Variants in IDH3B observed in about 807,000 individuals in gnomAD.
IDH3B encodes the protein isocitrate dehydrogenase [NAD] subunit beta, mitochondrial.
In IDH3B, 40 loss-of-function variants were observed where a neutral mutation model predicts 47.5. The ratio of observed to expected loss-of-function variants is 0.84; its 90% CI spans 0.65 to 1.10. The LOEUF is 1.10. Ranked by LOEUF, IDH3B falls within the 50% of genes least tolerant of loss-of-function variation. The pLI is 0.00. For missense variants in IDH3B, 450 were observed against 505.2 expected (o/e 0.89, Z 1.05); for synonymous variants, 185 against 191.0 (o/e 0.97, Z 0.26).
rs759336070 is a variant in IDH3B, at chr20:2,663,951, C to T, written c.91G>A (p.Ala31Thr). The T allele has an allele frequency of 2.7e-5, 44 of 1,614,014 alleles. No individual in the cohort carries two copies. Among genetic ancestry groups the T allele is most frequent in the Non-Finnish European group, 3.6e-5 (42 of 1,180,026 alleles). Residue 31 changes from alanine to threonine, a missense_variant, in exon 2 of 12, where the codon GCG becomes ACG. Transcript: ENST00000380843. Reference protein sequence around the residue: ...GAWRGLSTSAAAHAASRSQAE... With the variant: ...GAWRGLSTSATAHAASRSQAE... ...TGGCTCCGCGATGCAGCGTGCGCCG[C>T]GGCCGAGGTACTCAGACCTCTCCAT...
At chr20:2,662,447 G>A (rs930525844) in intron 4 of IDH3B, among the ~76,000 whole-genome samples, 2 of 152,160 alleles carry the variant, frequency 1.3e-5, no homozygotes, top group Admixed American at 6.5e-5. Flanking sequence ...TTTCCAAGAA[G>A]AGATATGGAA....
Position 2,663,973 on chromosome 20 carries a change from C to G in IDH3B, c.69G>C (p.Trp23Cys). The G allele has an allele frequency of 6.2e-7, 1 of 1,614,210 alleles. No individual in the cohort carries two copies. Among genetic ancestry groups the G allele is most frequent in the East Asian group, 2.2e-5 (1 of 44,890 alleles). ...ALVSAGNPGA[W>C]RGLSTSAAAH... ...CCGCGGCCGAGGTACTCAGACCTCT[C>G]CATGCCCCAGGGTTCCCGGCGGAGA... The change falls in exon 2 of 12, where the codon TGG becomes TGC. Residue 23 changes from tryptophan to cysteine, a missense_variant. Trp to Cys is a radical substitution (Grantham distance 215). Coordinates refer to ENST00000380843, the MANE Select transcript of IDH3B (RefSeq NM_006899.5).
chr20:2,663,966 G>C lies in IDH3B; in HGVS notation c.76C>G (p.Leu26Val). The change falls in exon 2 of 12, where the codon CTG (leucine) becomes GTG (valine). Residue 26 changes from leucine (L) to valine (V), a missense_variant. Leu to Val is a conservative substitution (Grantham distance 32). Coordinates refer to ENST00000380843, the MANE Select transcript of IDH3B (RefSeq NM_006899.5). ...SAGNPGAWRG[L>V]STSAAAHAAS... Reference sequence around the variant, plus strand: ...GCGTGCGCCGCGGCCGAGGTACTCAGACCTCTCCATGCCCCAGGGTTCCCG... The same window carrying C: ...GCGTGCGCCGCGGCCGAGGTACTCACACCTCTCCATGCCCCAGGGTTCCCG... The C allele has an allele frequency of 3.7e-6, 6 of 1,614,164 alleles. No homozygotes were observed. Among genetic ancestry groups the C allele is most frequent in the Non-Finnish European group, 5.1e-6 (6 of 1,180,042 alleles).
At chr20:2,662,097 T>C (rs2086958372) in intron 4 of IDH3B, among the ~76,000 whole-genome samples, 1 of 152,174 alleles carries the variant, frequency 6.6e-6, no homozygotes, top group South Asian at 2.1e-4. Flanking sequence ...AGCAGGGCCC[T>C]GCCAACACCT....
At chr20:2,662,899 G>A (rs916108675) in intron 4 of IDH3B, among the ~76,000 whole-genome samples, 4 of 152,252 alleles carry the variant, frequency 2.6e-5, no homozygotes, top group Non-Finnish European at 5.9e-5. Flanking sequence ...AGAGGTTGCA[G>A]TGAGCTGAGA....
Position 2,659,569 on chromosome 20 carries a change from T to C in IDH3B, c.1027A>G (p.Ser343Gly). 6.2e-7 allele frequency: 1 copy of C among 1,614,256 alleles called. No individual in the cohort carries two copies. ...TTCTTCACCGCATCTGCGATCATGCTGGAGTGATACTCAAGACTGTGGATA... is the reference window on the plus strand; with the variant it reads ...TTCTTCACCGCATCTGCGATCATGCCGGAGTGATACTCAAGACTGTGGATA... ...LRHLNLEYHS[S>G]MIADAVKKVI... Residue 343 changes from serine to glycine, a missense_variant, in exon 11 of 12, where the codon AGC becomes GGC. By Grantham distance (56) the Ser-to-Gly change is moderately conservative (BLOSUM62 0). Coordinates refer to ENST00000380843, the MANE Select transcript of IDH3B (RefSeq NM_006899.5).
chr20:2,661,633 C>T (rs2086949805), intron 4 of IDH3B, among the ~76,000 whole-genome samples: 1 of 152,160 alleles, frequency 6.6e-6, no homozygotes, highest in Admixed American at 6.5e-5. Context: ...TAACCCAACA[C>T]CTACTGATGA....
intron 9 of IDH3B, 52 bp downstream of exon 9, chr20:2,659,978 G>A (rs2086910263): frequency 7.5e-6 from 12 of 1,610,724 alleles, no homozygotes; most frequent in Non-Finnish European, 1.0e-5. Context: ...GGATGGGAGA[G>A]GAATGGCGGA....
In IDH3B at chr20:2,663,965, A is replaced by G. The variant is rs754065623; in HGVS notation, c.77T>C (p.Leu26Pro). Residue 26 changes from leucine (L) to proline (P), a missense_variant, in exon 2 of 12, where the codon CTG (leucine) becomes CCG (proline). Coordinates refer to ENST00000380843, the MANE Select transcript of IDH3B (RefSeq NM_006899.5). ...AGCGTGCGCCGCGGCCGAGGTACTC[A>G]GACCTCTCCATGCCCCAGGGTTCCC... ...SAGNPGAWRG[L>P]STSAAAHAAS... 3 of 1,614,166 alleles carry G rather than the reference A, an allele frequency of 1.9e-6. No homozygotes were observed. The highest frequency in any genetic ancestry group is 8.5e-7 in the Non-Finnish European group (1 of 1,180,032).
Position 2,659,591 on chromosome 20 carries a change from G to A in IDH3B, c.1011-6C>T. The A allele has an allele frequency of 6.2e-7, 1 of 1,614,114 alleles. No homozygotes were observed. Among genetic ancestry groups the A allele is most frequent in the Middle Eastern group, 1.6e-4 (1 of 6,062 alleles). ...TGCTGGAGTGATACTCAAGACTGTG[G>A]ATATGGACAGGAAGAAACTGTGACT... On this transcript the variant is annotated splice_polypyrimidine_tract_variant and splice_region_variant and intron_variant, in intron 10 of 11. Coordinates refer to ENST00000380843, the MANE Select transcript of IDH3B (RefSeq NM_006899.5).
chr20:2,663,725 C>T lies in IDH3B; in HGVS notation c.151G>A (p.Val51Met). ...EDVRVEGSFPVTMLPGDGVGP... is the reference protein window; with the variant it reads ...EDVRVEGSFPMTMLPGDGVGP... ...ACACCGTCTCCCGGAAGCATGGTCA[C>T]GGGAAAGGAGCCCTCCACCCTCACG... The change falls in exon 3 of 12, where the codon GTG (valine) becomes ATG (methionine). Residue 51 changes from valine to methionine, a missense_variant. Physicochemically the swap from Val to Met is conservative, Grantham distance 21 (BLOSUM62 1). Transcript: ENST00000380843. The T allele has an allele frequency of 1.2e-6, 2 of 1,614,124 alleles. No homozygotes were observed. The highest frequency in any genetic ancestry group is 1.1e-5 in the South Asian group (1 of 91,078).
Position 2,658,775 on chromosome 20 carries a change from A to G in IDH3B, c.1134T>C (p.Gly378=). 6.2e-7 allele frequency: 1 copy of G among 1,614,102 alleles called. No homozygotes were observed. The highest frequency in any genetic ancestry group is 8.5e-7 in the Non-Finnish European group (1 of 1,180,016). Residue 378 remains glycine (G), a synonymous_variant, in exon 12 of 12, where the codon GGT becomes GGC. Transcript: ENST00000380843. ...TTTDFIKSVI[G]HLQTKGS ...TCTAGCTCCCTTTAGTCTGCAGGTG[A>G]CCGATGACAGACTTGATGAAGTCGG...
rs757209078 is a variant in IDH3B, at chr20:2,658,730, G to A, written c.*21C>T. On this transcript the variant is annotated 3_prime_UTR_variant, in exon 12 of 12. Coordinates refer to ENST00000380843, the MANE Select transcript of IDH3B (RefSeq NM_006899.5). ...GGTATGGGGAGTGTGGTCCTTGCAA[G>A]GTTGGAAGAAATAAAGGGCTCTAGC... 1.2e-6 allele frequency: 2 copies of A among 1,614,070 alleles called. No homozygotes were observed. The highest frequency in any genetic ancestry group is 1.7e-5 in the Admixed American group (1 of 60,006).
chr20:2,658,728 A>G lies in IDH3B; in HGVS notation c.*23T>C. 1 of 1,614,120 alleles carries G rather than the reference A, an allele frequency of 6.2e-7. No individual in the cohort carries two copies. The highest frequency in any genetic ancestry group is 8.5e-7 in the Non-Finnish European group (1 of 1,180,004). On this transcript the variant is annotated 3_prime_UTR_variant, in exon 12 of 12. Transcript: ENST00000380843. ...AGGGTATGGGGAGTGTGGTCCTTGC[A>G]AGGTTGGAAGAAATAAAGGGCTCTA...
chr20:2,662,942 G>A (rs1004550488), intron 4 of IDH3B, among the ~76,000 whole-genome samples: 10 of 152,100 alleles, frequency 6.6e-5, no homozygotes, highest in African/African-American at 2.4e-4. Context: ...GGGCGACAGA[G>A]CGAGACTCTG....
Position 2,660,510 on chromosome 20 carries a change from A to G in IDH3B, c.612T>C (p.Tyr204=). The change falls in exon 7 of 12, where the codon TAT becomes TAC. Residue 204 remains tyrosine, a synonymous_variant. Coordinates refer to ENST00000380843, the MANE Select transcript of IDH3B (RefSeq NM_006899.5). This position sits in a 1 kb window ranked among gnomAD's most constrained non-coding sequence, Gnocchi z 5.6. ...SQRIAKFAFD[Y]ATKKGRGKVT... is the part of the protein sequence containing the mutation. ...CCTTGCCCCGCCCCTTCTTGGTGGC[A>G]TAGTCAAAGGCGAACTTTGCAATCC... 1.2e-6 allele frequency: 2 copies of G among 1,614,124 alleles called. No homozygotes were observed. Among genetic ancestry groups the G allele is most frequent in the Non-Finnish European group, 1.7e-6 (2 of 1,180,022 alleles).
chr20:2,660,350 C>T lies in IDH3B; in HGVS notation c.681G>A (p.Gly227=), dbSNP rs777609774. 8.1e-6 allele frequency: 13 copies of T among 1,614,008 alleles called. No homozygotes were observed. The East Asian group carries it at 2.2e-4, about 28-fold the overall frequency. The change falls in exon 8 of 12, where the codon GGG becomes GGA. Residue 227 remains glycine (G), a synonymous_variant. Coordinates refer to ENST00000380843, the MANE Select transcript of IDH3B (RefSeq NM_006899.5). The surrounding 1 kb of genome is among the most constrained non-coding windows in gnomAD (Gnocchi z 5.6). ...CTTCCTCACAGCACTGCAGGAACAA[C>T]CCATCCCCAAGTTTCCTGTCCATGG... ...HKANIMKLGD[G]LFLQCCEEVA...
chr20:2,664,136 A>C lies in IDH3B; in HGVS notation c.36+17T>G, dbSNP rs1443347955. 3.1e-6 allele frequency: 5 copies of C among 1,612,864 alleles called. No individual in the cohort carries two copies. The highest frequency in any genetic ancestry group is 3.3e-4 in the Middle Eastern group (2 of 6,080). On this transcript the variant is annotated intron_variant, in intron 1 of 11. Transcript: ENST00000380843. ...GCTCCTTCGCCCGCCCCTGCCCGACATGTCCCGGGGCCTCACTCGGGTCAG... is the reference window on the plus strand; with the variant it reads ...GCTCCTTCGCCCGCCCCTGCCCGACCTGTCCCGGGGCCTCACTCGGGTCAG...
chr20:2,659,015 A>C (rs1360714876), intron 11 of IDH3B, 178 bp from the exon 12 acceptor site: 1 of 1,277,078 alleles, frequency 7.8e-7, no homozygotes, highest in African/African-American at 2.5e-5. Flanking sequence ...CACTCCTCTT[A>C]AGCCACTATT....
Sources: gnomAD v4.1 joint callset for allele counts (sites outside exome capture counted in the v4.1 genomes callset) on GRCh38, gnomAD v4.1.1 for gene constraint, Gnocchi (gnomAD v3.1) non-coding constraint, MANE v1.5 for transcripts, NCBI Gene and HGNC (gene_info 2026-07-23, HGNC 2026-07-21) for gene names.